Variants in CBLB observed in about 807,000 individuals in gnomAD.
The protein encoded by CBLB is Cbl proto-oncogene B.
A neutral mutation model predicts 104.9 loss-of-function variants in CBLB; 31 were observed. The ratio of observed to expected loss-of-function variants is 0.30; its 90% CI spans 0.22 to 0.40. The LOEUF (loss-of-function observed/expected upper bound fraction) is 0.40, where lower values mean the gene tolerates loss of function less well. CBLB is among the 10% of genes least tolerant of loss of function. CBLB has a pLI of 1.00. For missense variants in CBLB, 1,062 were observed against 1,214.6 expected, an observed-to-expected ratio of 0.87 and a Z score of 1.87; for synonymous variants, 440 against 422.6, an observed-to-expected ratio of 1.04 and a Z score of -0.51.
chr3:105,685,397 TTCA>T lies in CBLB; in HGVS notation c.2121_2123del (p.Asp707del), dbSNP rs1370393685. Reference sequence around the variant, plus strand: ...CAGGGTGGGATGAAGGAATCTTGTATTCATCATCATCTTCCTCTACTGGGTCTC... The same window carrying T: ...CAGGGTGGGATGAAGGAATCTTGTATTCATCATCTTCCTCTACTGGGTCTC... On this transcript the variant is annotated inframe_deletion, in exon 14 of 19. Coordinates refer to ENST00000394030, the MANE Select transcript of CBLB (RefSeq NM_170662.5). 4 of 1,611,542 alleles carry T rather than the reference TTCA, an allele frequency of 2.5e-6. No individual in the cohort carries two copies. The highest frequency in any genetic ancestry group is 2.5e-6 in the Non-Finnish European group (3 of 1,177,822).
intron 12 of CBLB, among the ~76,000 whole-genome samples, chr3:105,696,813 C>T (rs988100072): frequency 6.6e-6 from 1 of 151,878 alleles, no homozygotes; most frequent in Admixed American, 6.6e-5. Context: ...CTTTCCTTGC[C>T]ATGGTCTTAC....
chr3:105,659,698 G>A (rs1472418358), intron 18 of CBLB, among the ~76,000 whole-genome samples: 1 of 152,046 alleles, frequency 6.6e-6, no homozygotes, highest in Non-Finnish European at 1.5e-5. Flanking sequence ...ATGGCAGAAC[G>A]TCCCCACAGG....
chr3:105,777,799 G>A (rs1415421546), intron 3 of CBLB, among the ~76,000 whole-genome samples: 3 of 152,088 alleles, frequency 2.0e-5, no homozygotes, highest in Admixed American at 6.5e-5. Context: ...TTAAGTTCTG[G>A]GGATTCTGAC....
chr3:105,827,607 A>C (rs55746969), intron 3 of CBLB, among the ~76,000 whole-genome samples: 4,741 of 152,214 alleles, frequency 0.031, 126 homozygotes, highest in Non-Finnish European at 0.046. Flanking sequence ...GACATTAGCC[A>C]AAGGCAGAAA....
chr3:105,700,172 T>C (rs2068888742), intron 12 of CBLB, among the ~76,000 whole-genome samples: 1 of 152,110 alleles, frequency 6.6e-6, no homozygotes, highest in African/African-American at 2.4e-5. Flanking sequence ...CAGTATCTCA[T>C]ACCAATAACC....
chr3:105,820,872 C>T (rs1205945080), intron 3 of CBLB, among the ~76,000 whole-genome samples: 7 of 152,062 alleles, frequency 4.6e-5, no homozygotes, highest in Non-Finnish European at 1.0e-4. Context: ...TGTTTCTTCA[C>T]TATTTTCTGT....
intron 4 of CBLB, among the ~76,000 whole-genome samples, chr3:105,752,477 A>C (rs1415481252): frequency 6.6e-6 from 1 of 152,220 alleles, no homozygotes; most frequent in Non-Finnish European, 1.5e-5. Flanking sequence ...ATTCGGCAGA[A>C]GAAAGAAATC....
At chr3:105,765,086 C>A (rs766767387) in intron 4 of CBLB, among the ~76,000 whole-genome samples, 2 of 152,132 alleles carry the variant, frequency 1.3e-5, no homozygotes, top group African/African-American at 2.4e-5. Flanking sequence ...GATGTAGAAG[C>A]AACAAGTTAT....
chr3:105,780,812 G>A (rs2080169972), intron 3 of CBLB, among the ~76,000 whole-genome samples: 1 of 151,542 alleles, frequency 6.6e-6, no homozygotes, highest in East Asian at 1.9e-4. Context: ...ACAGGCGCCC[G>A]CCACCATGCC....
intron 3 of CBLB, among the ~76,000 whole-genome samples, chr3:105,798,891 T>G (rs1174019629): frequency 1.3e-5 from 2 of 152,206 alleles, no homozygotes; most frequent in Non-Finnish European, 2.9e-5. Context: ...CATTATGCTG[T>G]TGTTCTGGAT....
upstream of CBLB, chr3:105,869,352 G>C (rs1324304652): frequency 2.2e-5 from 30 of 1,340,072 alleles, no homozygotes; most frequent in Non-Finnish European, 3.0e-5. Context: ...AGGGGTGGCA[G>C]GTGGGCGTGA....
intron 3 of CBLB, among the ~76,000 whole-genome samples, chr3:105,832,027 TA>T (rs952271712): frequency 6.6e-6 from 1 of 151,610 alleles, no homozygotes; most frequent in Non-Finnish European, 1.5e-5. Context: ...CAGGAAATTT[TA>T]AAAAAAAATT....
chr3:105,842,342 C>T (rs897962576), intron 3 of CBLB, among the ~76,000 whole-genome samples: 1 of 152,194 alleles, frequency 6.6e-6, no homozygotes, highest in South Asian at 2.1e-4. Context: ...TCAGGCTCTT[C>T]GCAGTCCTTG....
In CBLB at chr3:105,720,064, A is replaced by G. The variant is rs1279361133; in HGVS notation, c.1390T>C (p.Leu464=). Reference sequence around the variant, plus strand: ...AGTTTTACCTTTCGGACGTTTGCCAACCGATTCATCATCAAGGACTCCTCA... The same window carrying G: ...AGTTTTACCTTTCGGACGTTTGCCAGCCGATTCATCATCAAGGACTCCTCA... ...DREESLMMNR[L]ANVRKCTDRQ... is the part of the protein sequence containing the mutation. Residue 464 remains leucine, a synonymous_variant, in exon 10 of 19, where the codon TTG becomes CTG. Transcript: ENST00000394030. The G allele has an allele frequency of 6.2e-7, 1 of 1,613,910 alleles. No individual in the cohort carries two copies. The highest frequency in any genetic ancestry group is 1.1e-5 in the South Asian group (1 of 91,072).
chr3:105,866,184 T>C (rs1173290963), intron 2 of CBLB, among the ~76,000 whole-genome samples: 1 of 152,208 alleles, frequency 6.6e-6, no homozygotes, highest in Non-Finnish European at 1.5e-5. Context: ...TGGCTCTGCA[T>C]TTAGCACCAT....
intron 6 of CBLB, 29 bp downstream of exon 6, chr3:105,745,888 C>A: frequency 2.5e-6 from 4 of 1,598,978 alleles, no homozygotes; most frequent in Non-Finnish European, 3.4e-6. Flanking sequence ...TTGGATATAT[C>A]ACATAATATT....
At chr3:105,803,034 C>T (rs533024498) in intron 3 of CBLB, among the ~76,000 whole-genome samples, 96 of 152,182 alleles carry the variant, frequency 6.3e-4, no homozygotes, top group African/African-American at 2.3e-3. Context: ...TTAGAGAAAT[C>T]GGAGAAGTCT....
intron 14 of CBLB, among the ~76,000 whole-genome samples, chr3:105,684,274 C>T (rs748094295): frequency 2.0e-5 from 3 of 152,130 alleles, no homozygotes; most frequent in Non-Finnish European, 4.4e-5. Context: ...AACCAGAACT[C>T]AGAAAGTAAG....
intron 4 of CBLB, among the ~76,000 whole-genome samples, chr3:105,753,884 C>A (rs948366283): frequency 6.6e-6 from 1 of 151,822 alleles, no homozygotes; most frequent in Non-Finnish European, 1.5e-5. Flanking sequence ...TCTAATGTAC[C>A]CCTTCATAAT....
Sources: allele counts gnomAD v4.1 joint callset (sites outside exome capture counted in the v4.1 genomes callset), GRCh38; gene constraint gnomAD v4.1.1; transcripts MANE v1.5; gene names NCBI Gene and HGNC (gene_info 2026-07-23, HGNC 2026-07-21).